FYB2: variants seen among roughly 807,000 people sequenced by gnomAD.
The protein encoded by FYB2 is FYN binding protein 2, also known as FYN-binding protein 2.
Under a neutral mutation model 94.1 loss-of-function variants are expected in FYB2, and 103 were observed. That is an observed-to-expected ratio of 1.09 (90% CI 0.93 to 1.29). The LOEUF is 1.29. Ranked by LOEUF, FYB2 falls within the 50% of genes most tolerant of loss-of-function variation. The pLI, the probability that FYB2 is intolerant of heterozygous loss-of-function variation, is 0.00. For synonymous variants in FYB2, 293 were observed against 287.9 expected (o/e 1.02, Z -0.18); for missense variants, 896 against 841.5 (o/e 1.06, Z -0.80).
At chr1:56,756,239 T>C (rs1645327461) in intron 6 of FYB2, among the ~76,000 whole-genome samples, 1 of 152,166 alleles carries the variant, frequency 6.6e-6, no homozygotes, top group Non-Finnish European at 1.5e-5. Flanking sequence ...CTAAATCCTA[T>C]GAGAAAATAT....
At chr1:56,790,788 G>A (rs1646242755) in intron 2 of FYB2, among the ~76,000 whole-genome samples, 1 of 152,180 alleles carries the variant, frequency 6.6e-6, no homozygotes, top group Admixed American at 6.5e-5. Context: ...TGACAAGTGT[G>A]AGCTGTTGAT....
chr1:56,772,854 G>A (rs1293316095), intron 4 of FYB2, among the ~76,000 whole-genome samples: 4 of 152,168 alleles, frequency 2.6e-5, no homozygotes, highest in Non-Finnish European at 4.4e-5. Flanking sequence ...GGTAATATTA[G>A]TGTATTAGAG....
rs1475611714 is a variant in FYB2 at position 56,787,222 on chromosome 1, A to T, written c.920-14T>A. ...CTTCCACAGTCACTGCAAGAGAAAG[A>T]GGCGGAATGAAAAAGAGGCATTTGC... On this transcript the variant is annotated splice_polypyrimidine_tract_variant and intron_variant, in intron 3 of 19. Coordinates refer to ENST00000343433, the MANE Select transcript of FYB2 (RefSeq NM_001004303.5). The T allele has an allele frequency of 6.2e-7, 1 of 1,613,856 alleles. No homozygotes were observed. The highest frequency in any genetic ancestry group is 1.1e-5 in the South Asian group (1 of 91,080).
intron 1 of FYB2, among the ~76,000 whole-genome samples, chr1:56,810,920 A>G (rs1259666343): frequency 1.3e-5 from 2 of 152,152 alleles, no homozygotes; most frequent in Non-Finnish European, 2.9e-5. Flanking sequence ...GTGTTTCTCT[A>G]TCACTGTATT....
intron 13 of FYB2, among the ~76,000 whole-genome samples, chr1:56,739,972 T>C (rs551373757): frequency 1.3e-5 from 2 of 152,210 alleles, no homozygotes; most frequent in African/African-American, 4.8e-5. Flanking sequence ...TACATCTATA[T>C]CTATCTATTG....
chr1:56,771,122 T>G (rs1301161880), intron 4 of FYB2, among the ~76,000 whole-genome samples: 1 of 152,176 alleles, frequency 6.6e-6, no homozygotes, highest in African/African-American at 2.4e-5. Context: ...TACTTCTAAG[T>G]AAATAGCTTT....
At chr1:56,793,246 ACAAC>A (rs1327271416) in intron 1 of FYB2, among the ~76,000 whole-genome samples, 2 of 152,156 alleles carry the variant, frequency 1.3e-5, no homozygotes, top group African/African-American at 2.4e-5. Flanking sequence ...ACAGCCAAAC[ACAAC>A]TACCCTTAAA....
chr1:56,730,686 CCTG>C (rs2100535081), intron 15 of FYB2, among the ~76,000 whole-genome samples: 1 of 152,076 alleles, frequency 6.6e-6, no homozygotes, highest in Non-Finnish European at 1.5e-5. Context: ...AGATGGCTTC[CCTG>C]CTGAATTCTA....
intron 4 of FYB2, among the ~76,000 whole-genome samples, chr1:56,770,767 A>G (rs1374976636): frequency 1.3e-5 from 2 of 152,170 alleles, no homozygotes; most frequent in Admixed American, 6.5e-5. Context: ...TAATATTTAG[A>G]CTCTATCAGG....
chr1:56,766,703 C>A (rs546248421), intron 5 of FYB2, among the ~76,000 whole-genome samples: 7 of 152,310 alleles, frequency 4.6e-5, no homozygotes, highest in African/African-American at 1.7e-4. Context: ...TCCCAAAATG[C>A]TGGGATTACA....
chr1:56,757,248 A>T (rs1245337447), intron 6 of FYB2, among the ~76,000 whole-genome samples: 4 of 152,278 alleles, frequency 2.6e-5, no homozygotes, highest in Non-Finnish European at 5.9e-5. Context: ...TACATGAAGC[A>T]TTTTAATAGG....
Position 56,792,226 on chromosome 1 carries a change from G to A in FYB2, c.587C>T (p.Ser196Phe). 1 of 1,613,734 alleles carries A rather than the reference G, an allele frequency of 6.2e-7. No individual in the cohort carries two copies. Among genetic ancestry groups the A allele is most frequent in the South Asian group, 1.1e-5 (1 of 90,990 alleles). ...TTTGGGGGCCACCACGTGCTTCTGGGAAGGAAGAGTCTGGGCTCCTTTTGT... is the reference window on the plus strand; with the variant it reads ...TTTGGGGGCCACCACGTGCTTCTGGAAAGGAAGAGTCTGGGCTCCTTTTGT... ...LETKGAQTLP[S>F]QKHVVAPKIL... Residue 196 changes from serine to phenylalanine, a missense_variant, in exon 2 of 20, where the codon TCC becomes TTC. Ser to Phe is a radical substitution (Grantham distance 155). Transcript: ENST00000343433.
intron 1 of FYB2, among the ~76,000 whole-genome samples, chr1:56,798,960 T>C (rs568072882): frequency 3.2e-4 from 48 of 152,342 alleles, no homozygotes; most frequent in Non-Finnish European, 3.2e-4. Context: ...AACAAGCTAA[T>C]ACCTGATTAC....
rs181611993 is a variant in FYB2 at position 56,757,680 on chromosome 1, T to C, written c.1098+1036A>G. Among the ~76,000 whole-genome samples the C allele has an allele frequency of 1.6e-4, 10 of 63,652 alleles. No individual in the cohort carries two copies. The East Asian group carries it at 5.7e-3, about 36-fold the overall frequency. 41.8% of individuals were successfully genotyped at this position (63,652 alleles called of 152,430 possible). A position where few individuals can be genotyped will look rare whatever the true frequency, so the allele number is the denominator to read the frequency against. Reference sequence around the variant, plus strand: ...TTCTTTTTCTTTCTTTCCTCTTTCCTTCCTTCCTTCTTTCTTTCTTTCTTT... The same window carrying C: ...TTCTTTTTCTTTCTTTCCTCTTTCCCTCCTTCCTTCTTTCTTTCTTTCTTT... On this transcript the variant is annotated intron_variant, in intron 6 of 19. Transcript: ENST00000343433.
In FYB2 at chr1:56,742,149, A is replaced by G; in HGVS notation, c.1604+12T>C. The G allele has an allele frequency of 6.3e-7, 1 of 1,598,818 alleles. No homozygotes were observed. Among genetic ancestry groups the G allele is most frequent in the Non-Finnish European group, 8.6e-7 (1 of 1,168,410 alleles). On this transcript the variant is annotated intron_variant, in intron 12 of 19. Coordinates refer to ENST00000343433, the MANE Select transcript of FYB2 (RefSeq NM_001004303.5). ...TCATTAGCCTACAAAGCCAAGAAAG[A>G]GAGAAACTCACTCTATCTTTGGGTA... is the stretch of plus-strand genomic sequence containing the variant.
intron 1 of FYB2, among the ~76,000 whole-genome samples, chr1:56,798,079 A>G (rs1361769950): frequency 6.6e-6 from 1 of 152,186 alleles, no homozygotes; most frequent in East Asian, 1.9e-4. Context: ...GGCAGAAGTG[A>G]CCCACGAAAT....
intron 17 of FYB2, chr1:56,720,874 T>C (rs1251121986): frequency 6.6e-6 from 1 of 152,296 alleles, no homozygotes; most frequent in Admixed American, 6.6e-5. Flanking sequence ...TTAAGCACCA[T>C]AGATGGTAGT....
chr1:56,725,824 A>G (rs1644572715), intron 16 of FYB2, among the ~76,000 whole-genome samples: 1 of 152,030 alleles, frequency 6.6e-6, no homozygotes, highest in Non-Finnish European at 1.5e-5. Flanking sequence ...GACAGACTAC[A>G]CAATGTTCAC....
intron 3 of FYB2, among the ~76,000 whole-genome samples, chr1:56,788,543 A>G (rs990995788): frequency 6.6e-6 from 1 of 152,168 alleles, no homozygotes; most frequent in African/African-American, 2.4e-5. Context: ...AATTACCAAA[A>G]GCAGATTATG....
Sources: allele counts gnomAD v4.1 joint callset (sites outside exome capture counted in the v4.1 genomes callset), GRCh38; gene constraint gnomAD v4.1.1; transcripts MANE v1.5; gene names NCBI Gene and HGNC (gene_info 2026-07-23, HGNC 2026-07-21).